The following OVCH1 variants were observed in gnomAD, a reference collection of about 807,000 sequenced individuals.
OVCH1 encodes ovochymase-1.
OVCH1 carries 139 observed loss-of-function variants against 138.4 expected under a neutral mutation model. The observed-to-expected ratio is 1.00, with a 90% confidence interval of 0.87 to 1.16. OVCH1 has a LOEUF of 1.16. Ranked by LOEUF, OVCH1 falls within the 50% of genes most tolerant of loss-of-function variation. OVCH1 has a pLI of 0.00. For missense variants in OVCH1, 1,367 were observed against 1,357.9 expected (o/e 1.01, Z -0.11); for synonymous variants, 453 against 467.8 (o/e 0.97, Z 0.41).
At chr12:29,420,487 T>TAAAATGAAAAACTATTAGTGGTATGTG (rs1482021829) in intron 3 of OVCH1, among the ~76,000 whole-genome samples, 3 of 38,722 alleles carry the variant, frequency 7.7e-5, no homozygotes, top group African/African-American at 1.3e-4. Context: ...AAGCAGCTTT[T>TAAAATGAAAAACTATTAGTGGTATGTG]TTTTTTTTTT....
At chr12:29,443,254 G>C in intron 25 of OVCH1, 107 bp downstream of exon 25, 1 of 1,054,472 alleles carries the variant, frequency 9.5e-7, no homozygotes, top group Non-Finnish European at 1.3e-6. Flanking sequence ...CCTATAAGAA[G>C]AGACTAGTGT....
chr12:29,445,467 T>C, intron 22 of OVCH1, 64 bp from the exon 23 acceptor site: 4 of 1,460,900 alleles, frequency 2.7e-6, no homozygotes, highest in South Asian at 2.5e-5. Flanking sequence ...TTTCTGTATT[T>C]TAGGCCGAGC....
chr12:29,486,156 A>T, intron 8 of OVCH1, 94 bp downstream of exon 8: 1 of 1,214,506 alleles, frequency 8.2e-7, no homozygotes, highest in Non-Finnish European at 1.2e-6. Context: ...TTTAAATAAA[A>T]CTCAGATTGT....
At chr12:29,490,602 C>G (rs1943247417) in intron 5 of OVCH1, among the ~76,000 whole-genome samples, 1 of 152,140 alleles carries the variant, frequency 6.6e-6, no homozygotes. Flanking sequence ...TGGCAAATTT[C>G]AAGTATTCAA....
chr12:29,477,470 A>G, exon 11 of OVCH1: 1 of 1,613,980 alleles, frequency 6.2e-7, no homozygotes, highest in Non-Finnish European at 8.5e-7. Flanking sequence ...ATTTTTCCAC[A>G]GACCTTACCT....
At chr12:29,415,356 G>A (rs1941019212) in intron 3 of OVCH1, among the ~76,000 whole-genome samples, 1 of 152,122 alleles carries the variant, frequency 6.6e-6, no homozygotes, top group East Asian at 1.9e-4. Context: ...ATTGAAATTG[G>A]AAACCACAAG....
rs550136744 is a variant in OVCH1 at position 29,432,513 on chromosome 12, G to T, written c.3327+1238C>A. ...GGTGGAGGAAGAGCTTGGAGGCAGG[G>T]GTAGGAAATCAAGGGTTCAATTTTG... On this transcript the variant is annotated intron_variant, in intron 27 of 27. Transcript: ENST00000318184. 7.2e-5 allele frequency among the ~76,000 whole-genome samples: 11 copies of T among 152,206 alleles called. No homozygotes were observed. In the South Asian group the frequency reaches 2.3e-3, roughly 32 times the overall value.
At chr12:29,444,228 G>C (rs1464138977) in exon 24 of OVCH1, 7 of 1,612,244 alleles carry the variant, frequency 4.3e-6, no homozygotes, top group Non-Finnish European at 5.9e-6. Context: ...AAGGGACCAA[G>C]TGCTCTCTGT....
At chr12:29,459,171 T>C (rs1321397228) in intron 19 of OVCH1, among the ~76,000 whole-genome samples, 1 of 152,164 alleles carries the variant, frequency 6.6e-6, no homozygotes, top group Admixed American at 6.6e-5. Flanking sequence ...TATTGAAAAG[T>C]TATCTGCACT....
At chr12:29,410,884 T>C (rs2135866775), downstream of OVCH1, among the ~76,000 whole-genome samples, 3 of 109,902 alleles carry the variant, frequency 2.7e-5, 1 homozygote, top group East Asian at 7.8e-4. Context: ...GAAGTTCTCC[T>C]GGATAATATC....
At chr12:29,431,039 A>G in intron 27 of OVCH1, 1 of 349,900 alleles carries the variant, frequency 2.9e-6, no homozygotes, top group Non-Finnish European at 5.7e-6. Flanking sequence ...TTCAGGGTCA[A>G]TACACCCAAT....
At chr12:29,492,701 G>GT (rs1943304241) in intron 4 of OVCH1, among the ~76,000 whole-genome samples, 1 of 152,088 alleles carries the variant, frequency 6.6e-6, no homozygotes, top group Non-Finnish European at 1.5e-5. Flanking sequence ...TGAATCCAGA[G>GT]TTTTTTAGAT....
chr12:29,439,201 C>G (rs1486185093), intron 26 of OVCH1: 1 of 818,618 alleles, frequency 1.2e-6, no homozygotes, highest in Non-Finnish European at 1.7e-6. Flanking sequence ...CCCCTAGAAG[C>G]TCAAAGTCCT....
chr12:29,437,898 C>G (rs1321653900), intron 26 of OVCH1, among the ~76,000 whole-genome samples: 1 of 152,100 alleles, frequency 6.6e-6, no homozygotes, highest in Non-Finnish European at 1.5e-5. Flanking sequence ...AAGACTAAGT[C>G]AAAGGTATCT....
the OVCH1 span, among the ~76,000 whole-genome samples, chr12:29,405,526 G>A: frequency 5.3e-5 from 8 of 152,102 alleles, no homozygotes; most frequent in East Asian, 7.7e-4. Flanking sequence ...GCTAAAACAC[G>A]GATTGCAGAC....
At chr12:29,429,489 A>T (rs185035839) in intron 27 of OVCH1, among the ~76,000 whole-genome samples, 1 of 152,240 alleles carries the variant, frequency 6.6e-6, no homozygotes, top group Non-Finnish European at 1.5e-5. Context: ...ATGTATATTC[A>T]TTATATAAAT....
intron 16 of OVCH1, among the ~76,000 whole-genome samples, chr12:29,467,401 T>C (rs1942358475): frequency 2.6e-5 from 4 of 152,176 alleles, no homozygotes; most frequent in African/African-American, 7.2e-5. Context: ...ACATGCACTT[T>C]ATGATACCAC....
intron 3 of OVCH1, among the ~76,000 whole-genome samples, chr12:29,415,541 C>A (rs1426838032): frequency 6.6e-6 from 1 of 151,466 alleles, no homozygotes; most frequent in African/African-American, 2.4e-5. Context: ...TGAACCCTAA[C>A]AAAATACCAT....
At chr12:29,405,080 G>A in the OVCH1 span, among the ~76,000 whole-genome samples, 46,547 of 134,054 alleles carry the variant, frequency 0.35, 8,622 homozygotes, top group Middle Eastern at 0.58. Flanking sequence ...CATGTTTGTA[G>A]GTCAAAAACC....
Sources: allele counts gnomAD v4.1 joint callset (sites outside exome capture counted in the v4.1 genomes callset), GRCh38; gene constraint gnomAD v4.1.1; transcripts MANE v1.5; gene names NCBI Gene and HGNC (gene_info 2026-07-23, HGNC 2026-07-21).